CPNE4: variants seen among roughly 807,000 people sequenced by gnomAD.
CPNE4 encodes the protein copine 4.
A neutral mutation model predicts 67.9 loss-of-function variants in CPNE4; 25 were observed. That is an observed-to-expected ratio of 0.37 (90% CI 0.27 to 0.51). The LOEUF is 0.51. Among genes scored for constraint, CPNE4 ranks in the 20% least tolerant of loss-of-function variants. The pLI is 0.93. For synonymous variants in CPNE4, 242 were observed against 244.9 expected (o/e 0.99, Z 0.11); for missense variants, 464 against 690.8 (o/e 0.67, Z 3.68).
At chr3:131,881,419 C>T (rs1479328581) in intron 2 of CPNE4, among the ~76,000 whole-genome samples, 2 of 152,006 alleles carry the variant, frequency 1.3e-5, no homozygotes, top group Non-Finnish European at 2.9e-5. Flanking sequence ...AAGTTCTTTC[C>T]TAAACTCTTT....
Position 132,034,900 on chromosome 3 carries a change from G to GC in CPNE4, c.-336_-335insG. The GC allele has an allele frequency of 1.0e-6, 1 of 985,484 alleles. No homozygotes were observed. Among genetic ancestry groups the GC allele is most frequent in the Non-Finnish European group, 1.2e-6 (1 of 829,982 alleles). 61.0% of individuals were successfully genotyped at this position (985,484 alleles called of 1,614,324 possible). On this transcript the variant is annotated 5_prime_UTR_variant, in exon 1 of 16. Coordinates refer to ENST00000429747, the MANE Select transcript of CPNE4 (RefSeq NM_130808.3). ...TAAAGAGGAGGGTACTGAGAAAAGAGGGAGGGAGTGGAGTGGAGCGAGGGA... is the reference window on the plus strand; with the variant it reads ...TAAAGAGGAGGGTACTGAGAAAAGAGCGGAGGGAGTGGAGTGGAGCGAGGGA...
intron 12 of CPNE4, among the ~76,000 whole-genome samples, chr3:131,554,895 G>T (rs1025253859): frequency 2.6e-5 from 4 of 152,030 alleles, no homozygotes; most frequent in African/African-American, 9.7e-5. Flanking sequence ...TATCACAGTA[G>T]TGTCTCAGCC....
chr3:131,836,961 G>A (rs2085580913), intron 2 of CPNE4, among the ~76,000 whole-genome samples: 1 of 152,000 alleles, frequency 6.6e-6, no homozygotes. Flanking sequence ...TGGCAAATAG[G>A]CATATGAAAA....
chr3:131,919,699 T>C (rs964629096), intron 1 of CPNE4, among the ~76,000 whole-genome samples: 2 of 152,164 alleles, frequency 1.3e-5, no homozygotes, highest in South Asian at 4.1e-4. Flanking sequence ...ACTTAAAAAG[T>C]AAATAATAGG....
At chr3:131,954,398 T>C (rs1044135967) in intron 1 of CPNE4, among the ~76,000 whole-genome samples, 4 of 152,160 alleles carry the variant, frequency 2.6e-5, no homozygotes, top group African/African-American at 9.6e-5. Flanking sequence ...AGTAAGGGTA[T>C]TGCAAAAACT....
chr3:131,921,581 G>A (rs2070741119), intron 1 of CPNE4, among the ~76,000 whole-genome samples: 1 of 152,138 alleles, frequency 6.6e-6, no homozygotes, highest in African/African-American at 2.4e-5. Flanking sequence ...GATATCCTGA[G>A]TTCATTTTCT....
intron 2 of CPNE4, among the ~76,000 whole-genome samples, chr3:131,810,174 AG>A (rs1406693222): frequency 6.6e-6 from 1 of 152,114 alleles, no homozygotes; most frequent in Non-Finnish European, 1.5e-5. Context: ...TGACACTAAA[AG>A]CACAGGCAAT....
chr3:131,851,418 A>C (rs1439360645), intron 2 of CPNE4, among the ~76,000 whole-genome samples: 2 of 152,226 alleles, frequency 1.3e-5, no homozygotes, highest in South Asian at 2.1e-4. Flanking sequence ...ACAAGCTGAA[A>C]AAAATCAGGA....
chr3:131,938,424 G>GATACATAA (rs149474140), intron 1 of CPNE4, among the ~76,000 whole-genome samples: 26,553 of 151,592 alleles, frequency 0.18, 2,613 homozygotes, highest in East Asian at 0.31. Context: ...AACAATTAGG[G>GATACATAA]AGACTTAATA....
At chr3:131,923,544 A>C (rs1301067676) in intron 1 of CPNE4, among the ~76,000 whole-genome samples, 1 of 151,774 alleles carries the variant, frequency 6.6e-6, no homozygotes, top group Non-Finnish European at 1.5e-5. Context: ...GTCTCTACTA[A>C]AAATACAAAA....
intron 2 of CPNE4, among the ~76,000 whole-genome samples, chr3:131,895,790 G>T (rs571295354): frequency 6.6e-6 from 1 of 152,080 alleles, no homozygotes; most frequent in East Asian, 1.9e-4. Flanking sequence ...GCTACCTCAG[G>T]ACACAATTTG....
At chr3:131,820,186 A>C in intron 2 of CPNE4, among the ~76,000 whole-genome samples, 1 of 152,226 alleles carries the variant, frequency 6.6e-6, no homozygotes, top group East Asian at 1.9e-4. Flanking sequence ...TTTAGCATTC[A>C]GGATATTTAT....
chr3:132,001,576 AAAGAAAGAAAG>A (rs1404689580), intron 1 of CPNE4, among the ~76,000 whole-genome samples: 2 of 149,798 alleles, frequency 1.3e-5, no homozygotes, highest in Non-Finnish European at 3.0e-5. Flanking sequence ...AGAAAGAAAG[AAAGAAAGAAAG>A]AAAGAAAGAA....
At chr3:131,888,181 G>T (rs1341736682) in intron 2 of CPNE4, among the ~76,000 whole-genome samples, 3 of 152,172 alleles carry the variant, frequency 2.0e-5, no homozygotes, top group African/African-American at 7.2e-5. Context: ...TTACATTTCA[G>T]GGTAATTGTC....
intron 7 of CPNE4, among the ~76,000 whole-genome samples, chr3:131,640,761 A>T (rs1250726749): frequency 3.3e-5 from 5 of 152,230 alleles, no homozygotes; most frequent in Non-Finnish European, 7.3e-5. Context: ...ACCCAAGTTC[A>T]AAGTATACTA....
rs1472179364 is a variant in CPNE4 at position 131,708,957 on chromosome 3, G to GATTATATAT, written c.361-8978_361-8977insATATATAAT. Among the ~76,000 whole-genome samples the GATTATATAT allele has an allele frequency of 2.4e-4, 16 of 65,848 alleles. 1 individual carries two copies. Among genetic ancestry groups the GATTATATAT allele is most frequent in the African/African-American group, 7.4e-4 (16 of 21,582 alleles). The allele number at this position is 65,848 out of a possible 152,430, so 43.2% of individuals were successfully genotyped here. On this transcript the variant is annotated intron_variant, in intron 3 of 15. Transcript: ENST00000429747. ...AAAAATCAGTGTCTGAGGGCATAAAGATATATATATATATATATATATATA... is the reference window on the plus strand; with the variant it reads ...AAAAATCAGTGTCTGAGGGCATAAAGATTATATATATATATATATATATATATATATATA...
At chr3:131,883,832 T>A (rs1214834244) in intron 2 of CPNE4, among the ~76,000 whole-genome samples, 4 of 152,250 alleles carry the variant, frequency 2.6e-5, no homozygotes, top group African/African-American at 9.6e-5. Flanking sequence ...TTTTTCATCT[T>A]GCATAACTGA....
intron 2 of CPNE4, among the ~76,000 whole-genome samples, chr3:131,887,667 G>A (rs1025629799): frequency 2.0e-5 from 3 of 152,130 alleles, no homozygotes; most frequent in East Asian, 1.9e-4. Context: ...TAAGTTTAAT[G>A]TTCAGGGTAG....
intron 2 of CPNE4, among the ~76,000 whole-genome samples, chr3:131,824,177 A>G (rs554924342): frequency 2.1e-5 from 3 of 142,990 alleles, no homozygotes; most frequent in South Asian, 5.0e-4. Context: ...TCTTTATATA[A>G]ATAAAGAAAG....
Sources: gnomAD v4.1 joint callset for allele counts (sites outside exome capture counted in the v4.1 genomes callset) on GRCh38, gnomAD v4.1.1 for gene constraint, MANE v1.5 for transcripts, NCBI Gene and HGNC (gene_info 2026-07-23, HGNC 2026-07-21) for gene names.